The following ABCB5 variants were observed in gnomAD, a reference collection of about 807,000 sequenced individuals.
ABCB5 encodes the protein ATP-binding cassette sub-family B member 5.
Under a neutral mutation model 144.2 loss-of-function variants are expected in ABCB5, and 155 were observed. The observed-to-expected ratio is 1.08, with a 90% confidence interval of 0.94 to 1.23. The LOEUF (loss-of-function observed/expected upper bound fraction) is 1.23, where lower values mean the gene tolerates loss of function less well. Among genes scored for constraint, ABCB5 ranks in the 50% most tolerant of loss-of-function variants. The probability of loss-of-function intolerance (pLI) is 0.00; values close to 1 mark genes in which losing one functional copy is unlikely to be tolerated. For synonymous variants in ABCB5, 610 were observed against 528.6 expected, an observed-to-expected ratio of 1.15 and a Z score of -2.11; for missense variants, 1,830 against 1,520.8, an observed-to-expected ratio of 1.20 and a Z score of -3.38.
chr7:20,643,292 A>G lies in ABCB5; in HGVS notation c.423A>G (p.Lys141=), dbSNP rs1265414883. The G allele has an allele frequency of 3.1e-6, 5 of 1,613,848 alleles. No homozygotes were observed. Among genetic ancestry groups the G allele is most frequent in the Admixed American group, 1.7e-5 (1 of 59,966 alleles). Residue 141 remains lysine, a synonymous_variant, in exon 6 of 28, where the codon AAA becomes AAG. Transcript: ENST00000404938. ...CACGACAGACCAAGAGGATTCGAAA[A>G]CAGTTTTTTCATTCAGTTTTGGCAC... ...TAARQTKRIR[K]QFFHSVLAQD...
intron 5 of ABCB5, among the ~76,000 whole-genome samples, chr7:20,636,928 G>A (rs1268224750): frequency 3.3e-5 from 5 of 151,742 alleles, no homozygotes; most frequent in Non-Finnish European, 7.4e-5. Context: ...CAGTCAAATT[G>A]GTTTGGAAAA....
intron 23 of ABCB5, among the ~76,000 whole-genome samples, chr7:20,729,998 A>T (rs1319740555): frequency 2.0e-5 from 3 of 152,244 alleles, no homozygotes; most frequent in South Asian, 2.1e-4. Context: ...ATAACTTGGA[A>T]TAATTTTTAG....
chr7:20,629,963 G>A (rs760584957), intron 4 of ABCB5, among the ~76,000 whole-genome samples: 20 of 152,146 alleles, frequency 1.3e-4, no homozygotes, highest in Non-Finnish European at 2.4e-4. Context: ...TTGGTGGTGA[G>A]AGGAACTAGC....
At chr7:20,633,923 A>G (rs1583381137) in intron 5 of ABCB5, among the ~76,000 whole-genome samples, 1 of 152,038 alleles carries the variant, frequency 6.6e-6, no homozygotes, top group Non-Finnish European at 1.5e-5. Context: ...TTACATGGAT[A>G]TATTGCATAG....
At chr7:20,710,519 CATTCTT>C (rs1562572936) in intron 20 of ABCB5, among the ~76,000 whole-genome samples, 1 of 148,080 alleles carries the variant, frequency 6.8e-6, no homozygotes, top group African/African-American at 2.5e-5. Flanking sequence ...ATATAAAAAA[CATTCTT>C]ATCTTATGGA....
At chr7:20,753,553 A>G in intron 27 of ABCB5, 47 bp downstream of exon 27, 4 of 1,564,616 alleles carry the variant, frequency 2.6e-6, no homozygotes, top group Non-Finnish European at 3.5e-6. Flanking sequence ...AAATATAAGC[A>G]TCCAATAACA....
intron 20 of ABCB5, among the ~76,000 whole-genome samples, chr7:20,718,198 G>A (rs1781750061): frequency 6.6e-6 from 1 of 151,836 alleles, no homozygotes; most frequent in Non-Finnish European, 1.5e-5. Context: ...CGTGAGCCAC[G>A]GCGCCTGGCC....
At chr7:20,622,864 C>A (rs1334407277) in intron 1 of ABCB5, among the ~76,000 whole-genome samples, 1 of 152,090 alleles carries the variant, frequency 6.6e-6, no homozygotes, top group African/African-American at 2.4e-5. Context: ...CTAATAAAAA[C>A]TACTGCATCA....
At chr7:20,632,766 AAAAC>A (rs1312638021) in intron 5 of ABCB5, among the ~76,000 whole-genome samples, 2 of 151,996 alleles carry the variant, frequency 1.3e-5, no homozygotes, top group Non-Finnish European at 2.9e-5. Context: ...CAAGAGCAAA[AAAAC>A]AAACACCGCA....
chr7:20,631,387 A>G (rs536800656), intron 4 of ABCB5, among the ~76,000 whole-genome samples: 2 of 152,162 alleles, frequency 1.3e-5, no homozygotes, highest in Admixed American at 6.6e-5. Context: ...TGGTTATAAC[A>G]GATGAAGAGT....
At chr7:20,720,021 A>T (rs60249999) in intron 20 of ABCB5, among the ~76,000 whole-genome samples, 2,784 of 152,206 alleles carry the variant, frequency 0.018, 79 homozygotes, top group African/African-American at 0.064. Context: ...TACAACCAGC[A>T]CCATATCTTG....
At position 20,658,551 on chromosome 7, in the gene ABCB5, G is replaced by A. The variant is rs1784888164; in HGVS notation, c.1582G>A (p.Gly528Arg). The A allele has an allele frequency of 2.5e-6, 4 of 1,614,098 alleles. No individual in the cohort carries two copies. The highest frequency in any genetic ancestry group is 3.4e-6 in the Non-Finnish European group (4 of 1,180,022). ...VGEKGAQMSG[G>R]QKQRIAIARA... ...GGAAAAAGGAGCTCAAATGAGTGGA[G>A]GGCAGAAACAGAGGATCGCAATTGC... Residue 528 changes from glycine to arginine, a missense_variant, in exon 14 of 28, where the codon GGG becomes AGG. Transcript: ENST00000404938.
chr7:20,634,183 C>CG (rs1554279010), intron 5 of ABCB5, among the ~76,000 whole-genome samples: 7 of 144,902 alleles, frequency 4.8e-5, no homozygotes. Flanking sequence ...CATGTTGCTG[C>CG]AAAAAAAAAA....
intron 27 of ABCB5, among the ~76,000 whole-genome samples, chr7:20,754,519 T>G (rs1562595207): frequency 6.6e-6 from 1 of 152,208 alleles, no homozygotes; most frequent in Non-Finnish European, 1.5e-5. Context: ...TTGGGAACAT[T>G]TTATGTATTC....
Position 20,646,038 on chromosome 7 carries a change from T to C in ABCB5, c.881T>C (p.Val294Ala). The part of the protein sequence containing the change: ...TIASKVSLGA[V>A]YFFMNGTYGL... ...GCTTCAAAAGTGTCTCTTGGTGCTG[T>C]GTACTTCTTTATGAATGGAACCTAT... is the stretch of plus-strand genomic sequence containing the variant. Residue 294 changes from valine to alanine, a missense_variant, in exon 9 of 28, where the codon GTG becomes GCG. Transcript: ENST00000404938. The C allele has an allele frequency of 1.2e-6, 2 of 1,613,868 alleles. No individual in the cohort carries two copies. The highest frequency in any genetic ancestry group is 8.5e-7 in the Non-Finnish European group (1 of 1,179,806).
chr7:20,640,723 C>T (rs1784278556), intron 5 of ABCB5, among the ~76,000 whole-genome samples: 1 of 152,134 alleles, frequency 6.6e-6, no homozygotes. Context: ...CATGAAAACA[C>T]CACAAGTATT....
intron 5 of ABCB5, among the ~76,000 whole-genome samples, chr7:20,639,801 C>T (rs1562532436): frequency 6.6e-6 from 1 of 152,044 alleles, no homozygotes; most frequent in Non-Finnish European, 1.5e-5. Flanking sequence ...CAAATTTGTT[C>T]TTCTTTTTAA....
chr7:20,726,358 C>CTTTTTTTTTTTTTTTTTTTTTTTTT (rs1172285058), intron 21 of ABCB5, among the ~76,000 whole-genome samples: 1 of 78,420 alleles, frequency 1.3e-5, no homozygotes, highest in Non-Finnish European at 2.2e-5. Flanking sequence ...TCTCTGCTAT[C>CTTTTTTTTTTTTTTTTTTTTTTTTT]TTTTTTTTTT....
chr7:20,735,038 T>G (rs1032109397), intron 23 of ABCB5, among the ~76,000 whole-genome samples: 1 of 152,232 alleles, frequency 6.6e-6, no homozygotes, highest in African/African-American at 2.4e-5. Context: ...TTCTGTAGCC[T>G]TCCTTTCCCC....
Sources: gnomAD v4.1 joint callset for allele counts (sites outside exome capture counted in the v4.1 genomes callset) on GRCh38, gnomAD v4.1.1 for gene constraint, MANE v1.5 for transcripts, NCBI Gene and HGNC (gene_info 2026-07-23, HGNC 2026-07-21) for gene names.